RGPD1: variants seen among roughly 807,000 people sequenced by gnomAD.
RGPD1 encodes the protein RANBP2-like and GRIP domain-containing protein 1.
Under a neutral mutation model 40.6 loss-of-function variants are expected in RGPD1, and 7 were observed. The observed-to-expected ratio is 0.17, with a 90% CI of 0.10 to 0.32. RGPD1 has a LOEUF of 0.32. RGPD1 is among the 10% of genes least tolerant of loss of function. The pLI, the probability that RGPD1 is intolerant of heterozygous loss-of-function variation, is 1.00. For synonymous variants in RGPD1, 24 were observed against 167.0 expected, an observed-to-expected ratio of 0.14 and a Z score of 6.60; for missense variants, 50 against 472.5, an observed-to-expected ratio of 0.11 and a Z score of 8.29.
At chr2:86,949,771 T>C in intron 1 of RGPD1, among the ~76,000 whole-genome samples, 1 of 43,214 alleles carries the variant, frequency 2.3e-5, no homozygotes, top group Non-Finnish European at 4.7e-5. Flanking sequence ...AGCTTTTTTT[T>C]TTTTTTTTTT....
rs1031521064 is a variant in RGPD1 at position 86,930,211 on chromosome 2, G to GA, written c.72+16293dup. On this transcript the variant is annotated intron_variant, in intron 1 of 22. Coordinates refer to the RGPD1 transcript ENST00000398193. The stretch of plus-strand genomic sequence containing the variant: ...ATGAGGGAGGGCACTCTGGTGGGAG[G>GA]AAACACCTTCCACATTTGTTCCTTC... The GA allele has an allele frequency of 2.0e-5, 29 of 1,448,778 alleles. No individual in the cohort carries two copies. In the African/African-American group the frequency reaches 3.9e-4, roughly 20 times the overall value. The allele number at this position is 1,448,778 out of a possible 1,614,324, so 89.7% of individuals were successfully genotyped here.
At chr2:86,941,676 G>T (rs1679762314), upstream of RGPD1, among the ~76,000 whole-genome samples, 1 of 151,048 alleles carries the variant, frequency 6.6e-6, no homozygotes. Flanking sequence ...TTTCCTCTAA[G>T]TGTTCCACCC....
chr2:86,936,084 C>T (rs942542260), intron 1 of RGPD1, among the ~76,000 whole-genome samples: 1 of 134,502 alleles, frequency 7.4e-6, no homozygotes, highest in African/African-American at 2.6e-5. Context: ...CGGCTCACTG[C>T]AAGCTCCACC....
intron 1 of RGPD1, among the ~76,000 whole-genome samples, chr2:86,919,995 T>A: frequency 6.6e-6 from 1 of 151,820 alleles, no homozygotes; most frequent in Admixed American, 6.6e-5. Context: ...TTGTGTCTAT[T>A]TCAGCACATG....
chr2:86,934,789 C>T, intron 1 of RGPD1: 1 of 159,114 alleles, frequency 6.3e-6, no homozygotes, highest in Non-Finnish European at 1.4e-5. Context: ...GGCATAGTGG[C>T]CAGGGGTGAA....
At chr2:86,932,722 T>TG (rs1298772010) in intron 1 of RGPD1, among the ~76,000 whole-genome samples, 1 of 29,092 alleles carries the variant, frequency 3.4e-5, no homozygotes, top group Non-Finnish European at 7.4e-5. Context: ...CTACATATTT[T>TG]GGCTGTACAT....
intron 22 of RGPD1, among the ~76,000 whole-genome samples, chr2:87,000,155 C>A (rs1331354705): frequency 1.7e-5 from 2 of 119,988 alleles, no homozygotes. Flanking sequence ...GTAAAACTGC[C>A]CCTATAAAAA....
intron 1 of RGPD1, among the ~76,000 whole-genome samples, chr2:86,931,900 T>C (rs2104715113): frequency 6.7e-6 from 1 of 148,588 alleles, no homozygotes; most frequent in South Asian, 2.1e-4. Flanking sequence ...TAGTTAGACA[T>C]ATAGACAGAG....
intron 1 of RGPD1, among the ~76,000 whole-genome samples, chr2:86,919,421 TC>T (rs1241239285): frequency 3.6e-4 from 53 of 145,848 alleles, no homozygotes; most frequent in Non-Finnish European, 6.6e-4. Context: ...CTGCGTAGAA[TC>T]CCCCAGTGAC....
At chr2:86,960,741 C>T (rs1318248386) in intron 6 of RGPD1, among the ~76,000 whole-genome samples, 1 of 87,112 alleles carries the variant, frequency 1.1e-5, no homozygotes, top group African/African-American at 9.3e-5. Flanking sequence ...AGGTGCCCGC[C>T]ACCACACCCA....
chr2:86,926,883 GT>G (rs1236031477), intron 1 of RGPD1, among the ~76,000 whole-genome samples: 4 of 149,224 alleles, frequency 2.7e-5, no homozygotes, highest in African/African-American at 5.1e-5. Context: ...TCTTCATTAA[GT>G]TTGCACAGCA....
At chr2:86,936,880 A>G (rs919728870) in intron 1 of RGPD1, among the ~76,000 whole-genome samples, 2 of 143,014 alleles carry the variant, frequency 1.4e-5, no homozygotes, top group African/African-American at 5.4e-5. Flanking sequence ...TTGTCACAAA[A>G]GCACAGACAT....
chr2:87,009,114 G>T, intron 22 of RGPD1, among the ~76,000 whole-genome samples: 1 of 132,124 alleles, frequency 7.6e-6, no homozygotes, highest in South Asian at 2.6e-4. Flanking sequence ...GACCATCCTG[G>T]CTAACACGGT....
chr2:86,956,501 TAGG>T lies in RGPD1; in HGVS notation c.403-1198_403-1196del, dbSNP rs1397453202. Among the ~76,000 whole-genome samples the T allele has an allele frequency of 4.8e-4, 52 of 108,776 alleles. No individual in the cohort carries two copies. The Middle Eastern group carries it at 0.014, about 30-fold the overall frequency. 71.4% of individuals were successfully genotyped at this position (108,776 alleles called of 152,430 possible). A position where few individuals can be genotyped will look rare whatever the true frequency, so the allele number is the denominator to read the frequency against. On this transcript the variant is annotated intron_variant, in intron 4 of 22. Coordinates refer to ENST00000641458, the MANE Select transcript of RGPD1 (RefSeq NM_001382344.1). ...GGAAGGTATGGGGAAGTTGAGGAAA[TAGG>T]AGGAGGTGTGAAGTGTCAGGGAGTG...
chr2:86,930,766 C>G (rs1678891899), intron 1 of RGPD1: 5 of 1,346,714 alleles, frequency 3.7e-6, no homozygotes, highest in Middle Eastern at 2.5e-4. Context: ...CCTCCACCTA[C>G]AGCCCCCTGA....
chr2:86,924,456 G>A (rs1474723086), intron 1 of RGPD1, among the ~76,000 whole-genome samples: 5 of 150,448 alleles, frequency 3.3e-5, no homozygotes, highest in Non-Finnish European at 7.4e-5. Flanking sequence ...TGCCCGGCCC[G>A]TGGACATACA....
In RGPD1 at chr2:86,913,976, A is replaced by G. The variant is rs1466826368; in HGVS notation, c.72+55A>G. ...TCGACCTGGCGGGGCGGTGGCCTCG[A>G]CCTGGCCGGGCGGCGGCGGCGGCCT... On this transcript the variant is annotated intron_variant, in intron 1 of 22. Coordinates refer to the RGPD1 transcript ENST00000398193. 38 of 1,099,948 alleles carry G rather than the reference A, an allele frequency of 3.5e-5. 4 individuals are homozygous for G. The highest frequency in any genetic ancestry group is 6.8e-5 in the South Asian group (4 of 58,818). The allele number at this position is 1,099,948 out of a possible 1,614,324, so 68.1% of individuals were successfully genotyped here.
chr2:86,913,762 G>C, upstream of RGPD1: 1 of 1,402,238 alleles, frequency 7.1e-7, no homozygotes, highest in African/African-American at 1.5e-5. Flanking sequence ...TACGTCAGTG[G>C]CTTTCAGGCG....
At chr2:86,923,542 C>G (rs1158078240) in intron 1 of RGPD1, among the ~76,000 whole-genome samples, 2 of 149,714 alleles carry the variant, frequency 1.3e-5, no homozygotes, top group Admixed American at 6.6e-5. Context: ...GAGACGGAGT[C>G]TCGCCTTATC....
Sources: gnomAD v4.1 joint callset for allele counts (sites outside exome capture counted in the v4.1 genomes callset) on GRCh38, gnomAD v4.1.1 for gene constraint, MANE v1.5 for transcripts, NCBI Gene and HGNC (gene_info 2026-07-23, HGNC 2026-07-21) for gene names.